Variants in PDX1 observed in about 807,000 individuals in gnomAD.
The protein encoded by PDX1 is pancreatic and duodenal homeobox 1.
A neutral mutation model predicts 11.1 loss-of-function variants in PDX1; 7 were observed. That is an observed-to-expected ratio of 0.63 (90% CI 0.36 to 1.19). The LOEUF (loss-of-function observed/expected upper bound fraction) is 1.19, where lower values mean the gene tolerates loss of function less well. Ranked by LOEUF, PDX1 falls within the 50% of genes most tolerant of loss-of-function variation. PDX1 has a pLI of 0.02. For synonymous variants in PDX1, 232 were observed against 196.2 expected (o/e 1.18, Z -1.53); for missense variants, 449 against 412.1 (o/e 1.09, Z -0.78).
chr13:27,923,254 T>C (rs1388169313), intron 1 of PDX1, among the ~76,000 whole-genome samples: 5 of 152,218 alleles, frequency 3.3e-5, no homozygotes, highest in African/African-American at 1.2e-4. Context: ...TCCAACCTCC[T>C]GGGCCAGGGC....
In PDX1 at chr13:27,920,163, G is replaced by C. The variant is rs1957771358; in HGVS notation, c.25G>C (p.Ala9Pro). Residue 9 changes from alanine to proline, a missense_variant, in exon 1 of 2, where the codon GCG becomes CCG. By Grantham distance (27) the Ala-to-Pro change is conservative. Coordinates refer to ENST00000381033, the MANE Select transcript of PDX1 (RefSeq NM_000209.4). MNGEEQYYAATQLYKDPCA... is the reference protein window; with the variant it reads MNGEEQYYPATQLYKDPCA... ...CATGAACGGCGAGGAGCAGTACTAC[G>C]CGGCCACGCAGCTTTACAAGGACCC... is the stretch of plus-strand genomic sequence containing the variant. The C allele has an allele frequency of 6.5e-7, 1 of 1,549,782 alleles. No individual in the cohort carries two copies. Among genetic ancestry groups the C allele is most frequent in the African/African-American group, 1.4e-5 (1 of 73,024 alleles).
chr13:27,920,169 A>T lies in PDX1; in HGVS notation c.31A>T (p.Thr11Ser). The T allele has an allele frequency of 6.5e-7, 1 of 1,549,906 alleles. No individual in the cohort carries two copies. The highest frequency in any genetic ancestry group is 8.7e-7 in the Non-Finnish European group (1 of 1,146,674). ...CGGCGAGGAGCAGTACTACGCGGCC[A>T]CGCAGCTTTACAAGGACCCATGCGC... is the stretch of plus-strand genomic sequence containing the variant. MNGEEQYYAA[T>S]QLYKDPCAFQ... Residue 11 changes from threonine (T) to serine (S), a missense_variant, in exon 1 of 2, where the codon ACG becomes TCG. Transcript: ENST00000381033.
Position 27,924,479 on chromosome 13 carries a change from C to T in PDX1, c.630C>T (p.Gly210=), listed in dbSNP as rs1333501321. ...KWKKEEDKKR[G]GGTAVGGGGV... is the part of the protein sequence containing the mutation. The stretch of plus-strand genomic sequence containing the variant: ...AAAAGGAGGAGGACAAGAAGCGCGG[C>T]GGCGGGACAGCTGTCGGGGGTGGCG... The change falls in exon 2 of 2, where the codon GGC becomes GGT. Residue 210 remains glycine, a synonymous_variant. Coordinates refer to ENST00000381033, the MANE Select transcript of PDX1 (RefSeq NM_000209.4). This position sits in a 1 kb window ranked among gnomAD's most constrained non-coding sequence, Gnocchi z 4.8. 3.1e-6 allele frequency: 5 copies of T among 1,612,608 alleles called. No individual in the cohort carries two copies. Among genetic ancestry groups the T allele is most frequent in the Admixed American group, 1.7e-5 (1 of 59,990 alleles).
chr13:27,924,545 C>A lies in PDX1; in HGVS notation c.696C>A (p.Gly232=), dbSNP rs1236122495. 6.3e-7 allele frequency: 1 copy of A among 1,576,506 alleles called. No homozygotes were observed. Among genetic ancestry groups the A allele is most frequent in the East Asian group, 2.3e-5 (1 of 42,586 alleles). Residue 232 remains glycine (G), a synonymous_variant, in exon 2 of 2, where the codon GGC becomes GGA. Transcript: ENST00000381033. This position sits in a 1 kb window ranked among gnomAD's most constrained non-coding sequence, Gnocchi z 4.8. ...EPEQDCAVTS[G]EELLALPPPP... ...AGCAGGACTGCGCCGTGACCTCCGG[C>A]GAGGAGCTTCTGGCGCTGCCGCCGC...
In PDX1 at chr13:27,924,113, A is replaced by G. The variant is rs377443056; in HGVS notation, c.407-143A>G. On this transcript the variant is annotated intron_variant, in intron 1 of 1. Coordinates refer to ENST00000381033, the MANE Select transcript of PDX1 (RefSeq NM_000209.4). The surrounding 1 kb of genome is among the most constrained non-coding windows in gnomAD (Gnocchi z 4.8). ...TTCGCGCGCCTACACTAGGCGCTGA[A>G]ATGGGATGCTGGGGCTTGGTGGCTC... is the stretch of plus-strand genomic sequence containing the variant. 1.1e-5 allele frequency: 7 copies of G among 664,288 alleles called. No homozygotes were observed. The highest frequency in any genetic ancestry group is 9.2e-5 in the Admixed American group (3 of 32,710). The allele number at this position is 664,288 out of a possible 1,614,324, so 41.1% of individuals were successfully genotyped here.
At position 27,925,593 on chromosome 13, in the gene PDX1, C is replaced by G. The variant is rs548132595; in HGVS notation, c.*892C>G. On this transcript the variant is annotated 3_prime_UTR_variant, in exon 2 of 2. Coordinates refer to ENST00000381033, the MANE Select transcript of PDX1 (RefSeq NM_000209.4). ...TCTTCTCCCTCCTCTTCCTCCTCCT[C>G]TTTCTTCCTGACCTCTTTCTTTCTC... The G allele has an allele frequency of 3.5e-5, 7 of 197,694 alleles. No individual in the cohort carries two copies. In the East Asian group the frequency reaches 1.1e-3, roughly 30 times the overall value. 12.2% of individuals were successfully genotyped at this position (197,694 alleles called of 1,614,324 possible). A position where few individuals can be genotyped will look rare whatever the true frequency, so the allele number is the denominator to read the frequency against.
rs148001995 is a variant in PDX1, at chr13:27,924,278, G to A, written c.429G>A (p.Pro143=). 5 of 1,607,054 alleles carry A rather than the reference G, an allele frequency of 3.1e-6. No homozygotes were observed. The African/African-American group carries it at 4.0e-5, about 13-fold the overall frequency. ...CAGGCGGCGCCTACGCTGCGGAGCC[G>A]GAGGAGAACAAGCGGACGCGCACGG... is the stretch of plus-strand genomic sequence containing the variant. The part of the protein sequence containing the change: ...QWAGGAYAAE[P]EENKRTRTAY... Residue 143 remains proline (P), a synonymous_variant, in exon 2 of 2, where the codon CCG becomes CCA. Transcript: ENST00000381033. This position sits in a 1 kb window ranked among gnomAD's most constrained non-coding sequence, Gnocchi z 4.8.
chr13:27,920,444 G>T lies in PDX1; in HGVS notation c.306G>T (p.Glu102Asp). 6.3e-7 allele frequency: 1 copy of T among 1,588,554 alleles called. No homozygotes were observed. Among genetic ancestry groups the T allele is most frequent in the East Asian group, 2.3e-5 (1 of 43,830 alleles). The change falls in exon 1 of 2, where the codon GAG (glutamate) becomes GAT (aspartate). Residue 102 changes from glutamate to aspartate, a missense_variant. This residue lies in a region of PDX1 where 263 missense variants were observed against 212.5 expected (regional missense o/e 1.24). Coordinates refer to ENST00000381033, the MANE Select transcript of PDX1 (RefSeq NM_000209.4). Reference sequence around the variant, plus strand: ...ACCCGCCCGCCGGGCCCTTCCCGGAGGGAGCCGAGCCGGGCGTCCTGGAGG... The same window carrying T: ...ACCCGCCCGCCGGGCCCTTCCCGGATGGAGCCGAGCCGGGCGTCCTGGAGG... ...LPHPPAGPFP[E>D]GAEPGVLEEP...
At position 27,920,328 on chromosome 13, in the gene PDX1, G is replaced by C; in HGVS notation, c.190G>C (p.Asp64His). Reference sequence around the variant, plus strand: ...CGCGCTGGAGCAGGGCAGCCCCCCGGACATCTCCCCGTACGAGGTGCCCCC... The same window carrying C: ...CGCGCTGGAGCAGGGCAGCCCCCCGCACATCTCCCCGTACGAGGTGCCCCC... ...LGALEQGSPPDISPYEVPPLA... is the reference protein window; with the variant it reads ...LGALEQGSPPHISPYEVPPLA... Residue 64 changes from aspartate (D) to histidine (H), a missense_variant, in exon 1 of 2, where the codon GAC becomes CAC. This residue lies in a region of PDX1 where 263 missense variants were observed against 212.5 expected (regional missense o/e 1.24). Coordinates refer to ENST00000381033, the MANE Select transcript of PDX1 (RefSeq NM_000209.4). 6.5e-7 allele frequency: 1 copy of C among 1,542,596 alleles called. No individual in the cohort carries two copies. Among genetic ancestry groups the C allele is most frequent in the South Asian group, 1.2e-5 (1 of 83,634 alleles).
At chr13:27,923,032 A>AACAC (rs1361309926) in intron 1 of PDX1, among the ~76,000 whole-genome samples, 1 of 151,976 alleles carries the variant, frequency 6.6e-6, no homozygotes, top group Non-Finnish European at 1.5e-5. Flanking sequence ...ACCCGCCCCC[A>AACAC]ACACACACAC....
Position 27,924,178 on chromosome 13 carries a change from C to G in PDX1, c.407-78C>G. 2 of 1,303,632 alleles carry G rather than the reference C, an allele frequency of 1.5e-6. No homozygotes were observed. Among genetic ancestry groups the G allele is most frequent in the Non-Finnish European group, 2.1e-6 (2 of 968,148 alleles). 80.8% of individuals were successfully genotyped at this position (1,303,632 alleles called of 1,614,324 possible). A position where few individuals can be genotyped will look rare whatever the true frequency, so the allele number is the denominator to read the frequency against. ...GGTAGGGCTAGGGCTCCCTGGCCCC[C>G]CTTGAAGGGGTTGGGCTGCGTGGGT... is the stretch of plus-strand genomic sequence containing the variant. On this transcript the variant is annotated intron_variant, in intron 1 of 1. Coordinates refer to ENST00000381033, the MANE Select transcript of PDX1 (RefSeq NM_000209.4). The surrounding 1 kb of genome is among the most constrained non-coding windows in gnomAD (Gnocchi z 4.8).
In PDX1 at chr13:27,920,054, C is replaced by A. The variant is rs1310332047; in HGVS notation, c.-85C>A. 2 of 1,500,132 alleles carry A rather than the reference C, an allele frequency of 1.3e-6. No homozygotes were observed. The highest frequency in any genetic ancestry group is 1.8e-6 in the Non-Finnish European group (2 of 1,103,618). The allele number at this position is 1,500,132 out of a possible 1,614,324, so 92.9% of individuals were successfully genotyped here. A position where few individuals can be genotyped will look rare whatever the true frequency, so the allele number is the denominator to read the frequency against. ...AGGGGTGGCGCCGGGAGTGGGAACG[C>A]CACACAGTGCCAAATCCCCGGCTCC... On this transcript the variant is annotated 5_prime_UTR_variant, in exon 1 of 2. Transcript: ENST00000381033.
In PDX1 at chr13:27,920,513, C is replaced by T; in HGVS notation, c.375C>T (p.Thr125=). The change falls in exon 1 of 2, where the codon ACC becomes ACT. Residue 125 remains threonine (T), a synonymous_variant. Coordinates refer to ENST00000381033, the MANE Select transcript of PDX1 (RefSeq NM_000209.4). Reference sequence around the variant, plus strand: ...TGCCTTTCCCATGGATGAAGTCTACCAAAGCTCACGCGTGGAAAGGCCAGT... The same window carrying T: ...TGCCTTTCCCATGGATGAAGTCTACTAAAGCTCACGCGTGGAAAGGCCAGT... ...VQLPFPWMKS[T]KAHAWKGQWA... is the part of the protein sequence containing the mutation. 3 of 1,612,984 alleles carry T rather than the reference C, an allele frequency of 1.9e-6. No individual in the cohort carries two copies. Among genetic ancestry groups the T allele is most frequent in the South Asian group, 1.1e-5 (1 of 90,980 alleles).
chr13:27,925,904 T>A lies in PDX1; in HGVS notation c.*1203T>A, dbSNP rs1957821949. 2 of 152,372 alleles carry A rather than the reference T, an allele frequency of 1.3e-5. No individual in the cohort carries two copies. The highest frequency in any genetic ancestry group is 2.9e-5 in the Non-Finnish European group (2 of 68,196). The allele number at this position is 152,372 out of a possible 1,614,324, so 9.4% of individuals were successfully genotyped here. Reference sequence around the variant, plus strand: ...ACTAAACCAAAGATATTCGGAACTTTCTATTTAGGATGTGGACGTAATTCC... The same window carrying A: ...ACTAAACCAAAGATATTCGGAACTTACTATTTAGGATGTGGACGTAATTCC... On this transcript the variant is annotated 3_prime_UTR_variant, in exon 2 of 2. Coordinates refer to ENST00000381033, the MANE Select transcript of PDX1 (RefSeq NM_000209.4).
Position 27,925,018 on chromosome 13 carries a change from AC to A in PDX1, c.*319del. The A allele has an allele frequency of 6.2e-6, 2 of 325,062 alleles. No homozygotes were observed. Among genetic ancestry groups the A allele is most frequent in the Non-Finnish European group, 1.1e-5 (2 of 181,422 alleles). 20.1% of individuals were successfully genotyped at this position (325,062 alleles called of 1,614,324 possible). ...CATCCCTGCCCTCCTACAGCACTCC[AC>A]CTTGGGACCTGTTTAGAGAAGCCGG... On this transcript the variant is annotated 3_prime_UTR_variant, in exon 2 of 2. Transcript: ENST00000381033.
chr13:27,920,207 C>CCCGGCG lies in PDX1; in HGVS notation c.74_79dup (p.Ala25_Pro26dup). 6.5e-7 allele frequency: 1 copy of CCCGGCG among 1,549,440 alleles called. No individual in the cohort carries two copies. Among genetic ancestry groups the CCCGGCG allele is most frequent in the Non-Finnish European group, 8.7e-7 (1 of 1,146,496 alleles). Reference sequence around the variant, plus strand: ...AGGACCCATGCGCGTTCCAGCGAGGCCCGGCGCCGGAGTTCAGCGCCAGCC... The same window carrying CCCGGCG: ...AGGACCCATGCGCGTTCCAGCGAGGCCCGGCGCCGGCGCCGGAGTTCAGCGCCAGCC... On this transcript the variant is annotated inframe_insertion, in exon 1 of 2. Transcript: ENST00000381033.
At position 27,920,422 on chromosome 13, in the gene PDX1, C is replaced by A. The variant is rs375009107; in HGVS notation, c.284C>A (p.Pro95Gln). Residue 95 changes from proline (P) to glutamine (Q), a missense_variant, in exon 1 of 2, where the codon CCG (proline) becomes CAG (glutamine). Coordinates refer to ENST00000381033, the MANE Select transcript of PDX1 (RefSeq NM_000209.4). ...CCGGCTCAGCTCGCGCTCCCCCACCCGCCCGCCGGGCCCTTCCCGGAGGGA... is the reference window on the plus strand; with the variant it reads ...CCGGCTCAGCTCGCGCTCCCCCACCAGCCCGCCGGGCCCTTCCCGGAGGGA... ...HLPAQLALPH[P>Q]PAGPFPEGAE... 1.9e-4 allele frequency: 296 copies of A among 1,567,860 alleles called. No individual in the cohort carries two copies. Among genetic ancestry groups the A allele is most frequent in the Non-Finnish European group, 2.4e-4 (282 of 1,156,820 alleles).
Position 27,925,567 on chromosome 13 carries a change from T to C in PDX1, c.*866T>C, listed in dbSNP as rs908888622. 1.0e-5 allele frequency: 2 copies of C among 191,710 alleles called. No individual in the cohort carries two copies. The highest frequency in any genetic ancestry group is 8.2e-5 in the South Asian group (1 of 12,168). The allele number at this position is 191,710 out of a possible 1,614,324, so 11.9% of individuals were successfully genotyped here. On this transcript the variant is annotated 3_prime_UTR_variant, in exon 2 of 2. Coordinates refer to ENST00000381033, the MANE Select transcript of PDX1 (RefSeq NM_000209.4). ...CCCCGTCCTCTTCCTCCTCCTCCTC[T>C]TCTTCTCCCTCCTCTTCCTCCTCCT...
chr13:27,924,495 G>A lies in PDX1; in HGVS notation c.646G>A (p.Gly216Arg), dbSNP rs1049166702. The A allele has an allele frequency of 3.1e-6, 5 of 1,611,950 alleles. No homozygotes were observed. Among genetic ancestry groups the A allele is most frequent in the Non-Finnish European group, 4.2e-6 (5 of 1,179,614 alleles). ...DKKRGGGTAV[G>R]GGGVAEPEQD... is the part of the protein sequence containing the mutation. ...GAAGCGCGGCGGCGGGACAGCTGTC[G>A]GGGGTGGCGGGGTCGCGGAGCCTGA... The change falls in exon 2 of 2, where the codon GGG becomes AGG. Residue 216 changes from glycine (G) to arginine (R), a missense_variant. Physicochemically the swap from Gly to Arg is moderately radical, Grantham distance 125 (BLOSUM62 -2). Coordinates refer to ENST00000381033, the MANE Select transcript of PDX1 (RefSeq NM_000209.4). This position sits in a 1 kb window ranked among gnomAD's most constrained non-coding sequence, Gnocchi z 4.8.
Sources: allele counts gnomAD v4.1 joint callset (sites outside exome capture counted in the v4.1 genomes callset), GRCh38; gene constraint gnomAD v4.1.1; regional missense constraint gnomAD v4.1.1; non-coding constraint Gnocchi (gnomAD v3.1); transcripts MANE v1.5; gene names NCBI Gene and HGNC (gene_info 2026-07-23, HGNC 2026-07-21).